Variants in ADCYAP1R1 observed in about 807,000 individuals in gnomAD.
The protein encoded by ADCYAP1R1 is ADCYAP receptor type I.
Under a neutral mutation model 67.6 loss-of-function variants are expected in ADCYAP1R1, and 44 were observed. That is an observed-to-expected ratio of 0.65 (90% CI 0.51 to 0.84). The LOEUF (loss-of-function observed/expected upper bound fraction) is 0.84, where lower values mean the gene tolerates loss of function less well. Among genes scored for constraint, ADCYAP1R1 ranks in the 40% least tolerant of loss-of-function variants. ADCYAP1R1 has a pLI of 0.00. For missense variants in ADCYAP1R1, 477 were observed against 587.9 expected (o/e 0.81, Z 1.95); for synonymous variants, 222 against 219.6 (o/e 1.01, Z -0.10).
intron 1 of ADCYAP1R1, among the ~76,000 whole-genome samples, chr7:31,055,172 C>T (rs1428240596): frequency 6.6e-6 from 1 of 152,104 alleles, no homozygotes; most frequent in Non-Finnish European, 1.5e-5. Flanking sequence ...AGCTGGGGCA[C>T]AATAGTGACA....
chr7:31,059,162 A>G (rs1161214743), intron 1 of ADCYAP1R1, among the ~76,000 whole-genome samples: 1 of 150,882 alleles, frequency 6.6e-6, no homozygotes, highest in Non-Finnish European at 1.5e-5. Context: ...GTGAGATAAT[A>G]ATAATAGTTA....
At chr7:31,074,998 T>C (rs1432385796) in intron 3 of ADCYAP1R1, among the ~76,000 whole-genome samples, 6 of 152,210 alleles carry the variant, frequency 3.9e-5, no homozygotes, top group Non-Finnish European at 8.8e-5. Context: ...GTCTAAAAGC[T>C]GTGGATACCT....
intron 4 of ADCYAP1R1, among the ~76,000 whole-genome samples, chr7:31,079,941 G>A (rs746259755): frequency 1.3e-5 from 2 of 152,186 alleles, no homozygotes; most frequent in African/African-American, 2.4e-5. Context: ...GAGTGATTCA[G>A]CCTGATTTCC....
At chr7:31,079,542 C>T (rs1795426853) in intron 4 of ADCYAP1R1, among the ~76,000 whole-genome samples, 2 of 152,240 alleles carry the variant, frequency 1.3e-5, no homozygotes, top group Non-Finnish European at 2.9e-5. Context: ...GCTGCAGTCC[C>T]CTGTCTTCTC....
At position 31,110,460 on chromosome 7, in the gene ADCYAP1R1, G is replaced by T. The variant is rs1225581077; in HGVS notation, c.*3776G>T. On this transcript the variant is annotated 3_prime_UTR_variant, in exon 16 of 16. Coordinates refer to ENST00000304166, the MANE Select transcript of ADCYAP1R1 (RefSeq NM_001118.5). ...GGTCAAACCTCCCCATTGGGCTGAT[G>T]AGAAAATACACGCAGGCCTAGCATG... The T allele has an allele frequency of 2.0e-5, 3 of 152,166 alleles. No individual in the cohort carries two copies. Among genetic ancestry groups the T allele is most frequent in the African/African-American group, 4.8e-5 (2 of 41,436 alleles). The allele number at this position is 152,166 out of a possible 1,614,324, so 9.4% of individuals were successfully genotyped here.
intron 8 of ADCYAP1R1, 110 bp from the exon 9 acceptor site, chr7:31,085,200 G>C: frequency 6.9e-7 from 1 of 1,446,912 alleles, no homozygotes; most frequent in Non-Finnish European, 9.3e-7. Flanking sequence ...GCCTGGGTGG[G>C]AGACCTGCTG....
intron 3 of ADCYAP1R1, among the ~76,000 whole-genome samples, chr7:31,066,263 T>C (rs376326133): frequency 5.3e-5 from 8 of 152,220 alleles, no homozygotes; most frequent in East Asian, 1.9e-4. Flanking sequence ...GGGCCATTGT[T>C]CCTGCATTGC....
chr7:31,097,426 T>G lies in ADCYAP1R1; in HGVS notation c.1046+4691T>G, dbSNP rs1161754500. Among the ~76,000 whole-genome samples, 3 of 152,244 alleles carry G rather than the reference T, an allele frequency of 2.0e-5. No homozygotes were observed. In the East Asian group the frequency reaches 5.8e-4, roughly 29 times the overall value. On this transcript the variant is annotated intron_variant, in intron 13 of 15. Coordinates refer to ENST00000304166, the MANE Select transcript of ADCYAP1R1 (RefSeq NM_001118.5). ...CGTGTCTCTGGCTTTCCTGCACTAT[T>G]TGTTCTTTTTCTTTTCCATGAGTCC... is the stretch of plus-strand genomic sequence containing the variant.
intron 3 of ADCYAP1R1, among the ~76,000 whole-genome samples, chr7:31,072,634 C>T (rs560370876): frequency 1.3e-5 from 2 of 152,352 alleles, no homozygotes; most frequent in Admixed American, 6.5e-5. Context: ...ATATGATCTT[C>T]CCCACACAAC....
chr7:31,061,083 TC>T (rs1794481377), intron 1 of ADCYAP1R1, among the ~76,000 whole-genome samples: 1 of 152,216 alleles, frequency 6.6e-6, no homozygotes, highest in Non-Finnish European at 1.5e-5. Flanking sequence ...GGCAGCCCAG[TC>T]CTAACCGGGG....
chr7:31,071,998 TCCAGCCACCCACCCACCCAC>T (rs1411729356), intron 3 of ADCYAP1R1, among the ~76,000 whole-genome samples: 1 of 123,154 alleles, frequency 8.1e-6, no homozygotes, highest in Non-Finnish European at 1.7e-5. Context: ...CATCCATCCA[TCCAGCCACCCACCCACCCAC>T]CCACCCATCA....
intron 13 of ADCYAP1R1, chr7:31,100,090 C>G (rs1233466685): frequency 1.9e-6 from 3 of 1,542,170 alleles, no homozygotes; most frequent in Non-Finnish European, 1.8e-6. Flanking sequence ...GCCTGGTGCC[C>G]CCCAGCTGAC....
intron 3 of ADCYAP1R1, among the ~76,000 whole-genome samples, chr7:31,066,347 G>T (rs1479974214): frequency 1.3e-5 from 2 of 152,182 alleles, no homozygotes; most frequent in Admixed American, 1.3e-4. Context: ...GCTGGGGTGG[G>T]ACAGGGACCT....
In ADCYAP1R1 at chr7:31,094,540, ATT is replaced by A. The variant is rs1284736769; in HGVS notation, c.1046+1807_1046+1808del. On this transcript the variant is annotated intron_variant, in intron 13 of 15. Transcript: ENST00000304166. ...TTGATTTCCTCCCCTTCCTGGTAGG[ATT>A]TGTTCTTCTACTGAGGGCCCCCCAA... Among the ~76,000 whole-genome samples, 6 of 151,930 alleles carry A rather than the reference ATT, an allele frequency of 3.9e-5. No individual in the cohort carries two copies. The East Asian group carries it at 1.2e-3, about 29-fold the overall frequency.
intron 15 of ADCYAP1R1, among the ~76,000 whole-genome samples, 175 bp downstream of exon 15, chr7:31,105,084 C>T (rs2097786168): frequency 6.6e-6 from 1 of 152,178 alleles, no homozygotes; most frequent in Admixed American, 6.5e-5. Flanking sequence ...GGTGCCAGGA[C>T]CTCCTGATAC....
At chr7:31,104,396 C>T (rs1796555315) in intron 14 of ADCYAP1R1, among the ~76,000 whole-genome samples, 1 of 152,156 alleles carries the variant, frequency 6.6e-6, no homozygotes, top group South Asian at 2.1e-4. Flanking sequence ...ACTCGCTCTG[C>T]GTGGTGTTCT....
chr7:31,083,983 T>G (rs1008314303), intron 6 of ADCYAP1R1, among the ~76,000 whole-genome samples, 158 bp from the exon 7 acceptor site: 1 of 152,230 alleles, frequency 6.6e-6, no homozygotes, highest in Non-Finnish European at 1.5e-5. Flanking sequence ...TCTCCATCCC[T>G]CTGATCAGCA....
chr7:31,092,215 C>T (rs1795989556), intron 12 of ADCYAP1R1, among the ~76,000 whole-genome samples: 1 of 150,606 alleles, frequency 6.6e-6, no homozygotes, highest in African/African-American at 2.4e-5. Flanking sequence ...TCCCAGGCAG[C>T]CCTTTAATTA....
At chr7:31,076,221 G>T (rs1319789149) in intron 3 of ADCYAP1R1, among the ~76,000 whole-genome samples, 2 of 152,234 alleles carry the variant, frequency 1.3e-5, no homozygotes, top group African/African-American at 4.8e-5. Flanking sequence ...CCTGCATTCG[G>T]TCAGGGCCGC....
Sources: gnomAD v4.1 joint callset for allele counts (sites outside exome capture counted in the v4.1 genomes callset) on GRCh38, gnomAD v4.1.1 for gene constraint, MANE v1.5 for transcripts, NCBI Gene and HGNC (gene_info 2026-07-23, HGNC 2026-07-21) for gene names.